Variants in COQ7 observed in about 807,000 individuals in gnomAD.
The protein encoded by COQ7 is NADPH-dependent 3-demethoxyubiquinone 3-hydroxylase, mitochondrial.
COQ7 carries 21 observed loss-of-function variants against 25.0 expected under a neutral mutation model. That is an observed-to-expected ratio of 0.84 (90% CI 0.60 to 1.21). The LOEUF is 1.21. Ranked by LOEUF, COQ7 falls within the 50% of genes most tolerant of loss-of-function variation. COQ7 has a pLI of 0.00. For missense variants in COQ7, 311 were observed against 296.2 expected (o/e 1.05, Z -0.37); for synonymous variants, 125 against 112.4 (o/e 1.11, Z -0.71).
rs1555522742 is a variant in COQ7 at position 19,077,604 on chromosome 16, T to TTTTTTTTTTTTTTTC, written c.576+230_576+231insTTTTTTTTTTTTTTC. ...TTCCCCAGAAGCTTTTTTTTTTTTT[T>TTTTTTTTTTTTTTTC]CCCAGACACAGTCTCACTCTGTCTC... is the stretch of plus-strand genomic sequence containing the variant. On this transcript the variant is annotated intron_variant, in intron 5 of 5. Transcript: ENST00000321998. 1.1e-3 allele frequency among the ~76,000 whole-genome samples: 160 copies of TTTTTTTTTTTTTTTC among 143,700 alleles called. 9 individuals carry two copies. Among genetic ancestry groups the TTTTTTTTTTTTTTTC allele is most frequent in the East Asian group, 4.3e-3 (20 of 4,696 alleles). The allele number at this position is 143,700 out of a possible 152,430, so 94.3% of individuals were successfully genotyped here.
chr16:19,071,845 C>T, intron 1 of COQ7, 83 bp from the exon 2 acceptor site: 1 of 1,524,704 alleles, frequency 6.6e-7, no homozygotes, highest in South Asian at 1.2e-5. Context: ...TGACCTCCAT[C>T]CCAAAGTGCC....
chr16:19,073,811 C>T (rs1962688830), intron 2 of COQ7, 110 bp from the exon 3 acceptor site: 6 of 710,328 alleles, frequency 8.4e-6, no homozygotes, highest in Non-Finnish European at 9.9e-6. Flanking sequence ...ATGGGGGAGA[C>T]AGCAGTTCCA....
intron 4 of COQ7, among the ~76,000 whole-genome samples, chr16:19,076,616 A>G (rs1426871292): frequency 8.4e-5 from 8 of 95,470 alleles, no homozygotes; most frequent in Admixed American, 4.7e-4. Context: ...TTTTTTTGAG[A>G]TGGAGTCTCA....
At chr16:19,080,376 G>C (rs934615589), downstream of COQ7, among the ~76,000 whole-genome samples, 1 of 152,214 alleles carries the variant, frequency 6.6e-6, no homozygotes, top group African/African-American at 2.4e-5. Flanking sequence ...TGTTTGGAAA[G>C]TTGTCTTCCC....
chr16:19,068,968 A>G, intron 1 of COQ7: 1 of 417,574 alleles, frequency 2.4e-6, no homozygotes, highest in Non-Finnish European at 4.8e-6. Flanking sequence ...GAAATTAGCA[A>G]GTGTTGGGAA....
downstream of COQ7, among the ~76,000 whole-genome samples, chr16:19,082,672 C>A (rs1472324225): frequency 1.3e-5 from 2 of 151,522 alleles, no homozygotes; most frequent in Non-Finnish European, 2.9e-5. Flanking sequence ...CGAGCTGAGG[C>A]AGGAGAATCG....
intron 1 of COQ7, among the ~76,000 whole-genome samples, chr16:19,070,700 A>C (rs1337214528): frequency 3.3e-5 from 5 of 152,110 alleles, no homozygotes; most frequent in Non-Finnish European, 7.4e-5. Context: ...GCGGTGAGCC[A>C]AGATCGCACC....
At position 19,067,680 on chromosome 16, in the gene COQ7, G is replaced by A; in HGVS notation, c.16G>A (p.Ala6Thr). ...AGTTCCGGCAATGAGTTGCGCCGGG[G>A]CGGCGGCGGCTCCCCGCCTTTGGCG... MSCAG[A>T]AAAPRLWRLR... Residue 6 changes from alanine to threonine, a missense_variant, in exon 1 of 6, where the codon GCG becomes ACG. Transcript: ENST00000321998. The A allele has an allele frequency of 6.2e-7, 1 of 1,610,664 alleles. No homozygotes were observed. Among genetic ancestry groups the A allele is most frequent in the Non-Finnish European group, 8.5e-7 (1 of 1,178,540 alleles).
intron 2 of COQ7, chr16:19,072,510 C>G (rs1962615812): frequency 6.0e-6 from 1 of 167,206 alleles, no homozygotes; most frequent in African/African-American, 2.4e-5. Context: ...ACCTGGTTCA[C>G]ATTTTGGCTC....
In COQ7 at chr16:19,067,714, C is replaced by T. The variant is rs529955941; in HGVS notation, c.50C>T (p.Pro17Leu). The change falls in exon 1 of 6, where the codon CCG (proline) becomes CTG (leucine). Residue 17 changes from proline to leucine, a missense_variant. By Grantham distance (98) the Pro-to-Leu change is moderately conservative. Transcript: ENST00000321998. Reference protein sequence around the residue: ...AAAPRLWRLRPGARRSLSAYG... With the variant: ...AAAPRLWRLRLGARRSLSAYG... ...GCTCCCCGCCTTTGGCGGCTGCGCC[C>T]GGGGGCCCGGCGGTCCCTCTCAGGT... 3.8e-4 allele frequency: 614 copies of T among 1,606,904 alleles called. 4 individuals carry two copies. The East Asian group carries it at 0.012, about 33-fold the overall frequency.
chr16:19,075,975 A>C (rs1962818044), intron 4 of COQ7, 115 bp downstream of exon 4: 1 of 1,358,488 alleles, frequency 7.4e-7, no homozygotes, highest in East Asian at 2.4e-5. Context: ...TTAGAGGCTC[A>C]GGTCAGTGCC....
At chr16:19,072,706 C>G (rs1467762788) in intron 2 of COQ7, among the ~76,000 whole-genome samples, 1 of 152,212 alleles carries the variant, frequency 6.6e-6, no homozygotes, top group African/African-American at 2.4e-5. Context: ...TACTTAGCCT[C>G]TCTGTGCTTC....
chr16:19,074,568 G>A (rs532781300), intron 3 of COQ7, among the ~76,000 whole-genome samples: 1 of 152,120 alleles, frequency 6.6e-6, no homozygotes, highest in Non-Finnish European at 1.5e-5. Context: ...ACCAGAGCCA[G>A]GGTCTCACTC....
chr16:19,075,597 CCT>C, intron 3 of COQ7, 122 bp from the exon 4 acceptor site: 2 of 1,039,640 alleles, frequency 1.9e-6, no homozygotes, highest in South Asian at 1.7e-5. Flanking sequence ...TGGGACAGCC[CCT>C]GTCACAAAGA....
At chr16:19,077,470 G>A (rs1344543376) in intron 5 of COQ7, 96 bp downstream of exon 5, 3 of 1,037,758 alleles carry the variant, frequency 2.9e-6, no homozygotes, top group Non-Finnish European at 4.3e-6. Flanking sequence ...ACATTTTAAA[G>A]TGACAGCGAA....
intron 1 of COQ7, among the ~76,000 whole-genome samples, chr16:19,069,825 C>T (rs886470671): frequency 2.0e-5 from 3 of 151,964 alleles, no homozygotes; most frequent in Non-Finnish European, 2.9e-5. Flanking sequence ...ACTCTGTCAC[C>T]GAGGCTGGAG....
rs150424713 is a variant in COQ7, at chr16:19,071,302, A to C, written c.74-626A>C. On this transcript the variant is annotated intron_variant, in intron 1 of 5. Coordinates refer to ENST00000321998, the MANE Select transcript of COQ7 (RefSeq NM_016138.5). Reference sequence around the variant, plus strand: ...AGGCACACGCCAACACACCCAGCTAAATTTTGTATTTTTGGTAGAGATGGG... The same window carrying C: ...AGGCACACGCCAACACACCCAGCTACATTTTGTATTTTTGGTAGAGATGGG... Among the ~76,000 whole-genome samples, 61 of 152,220 alleles carry C rather than the reference A, an allele frequency of 4.0e-4. No homozygotes were observed. In the South Asian group the frequency reaches 4.4e-3, roughly 11 times the overall value.
intron 4 of COQ7, among the ~76,000 whole-genome samples, chr16:19,076,777 A>G (rs564636478): frequency 1.4e-4 from 21 of 151,714 alleles, no homozygotes; most frequent in Non-Finnish European, 2.9e-4. Flanking sequence ...TTTTTAGTAG[A>G]GACGGGGTTT....
At chr16:19,074,389 G>A in intron 3 of COQ7, among the ~76,000 whole-genome samples, 1 of 151,982 alleles carries the variant, frequency 6.6e-6, no homozygotes, top group South Asian at 2.1e-4. Context: ...GCCGGGCATG[G>A]TGGTGCGTGC....
Sources: gnomAD v4.1 joint callset for allele counts (sites outside exome capture counted in the v4.1 genomes callset) on GRCh38, gnomAD v4.1.1 for gene constraint, MANE v1.5 for transcripts, NCBI Gene and HGNC (gene_info 2026-07-23, HGNC 2026-07-21) for gene names.